Variants in SPOCK1 observed in about 807,000 individuals in gnomAD.
The protein encoded by SPOCK1 is testican-1.
A neutral mutation model predicts 55.3 loss-of-function variants in SPOCK1; 23 were observed. The observed-to-expected ratio is 0.42, with a 90% CI of 0.30 to 0.59. The LOEUF (loss-of-function observed/expected upper bound fraction) is 0.59. Among genes scored for constraint, SPOCK1 ranks in the 20% least tolerant of loss-of-function variants. The pLI is 0.22. For synonymous variants in SPOCK1, 226 were observed against 221.0 expected (o/e 1.02, Z -0.20); for missense variants, 499 against 552.5 (o/e 0.90, Z 0.97).
At chr5:137,005,873 G>A (rs1751237623) in intron 6 of SPOCK1, among the ~76,000 whole-genome samples, 1 of 152,138 alleles carries the variant, frequency 6.6e-6, no homozygotes, top group Admixed American at 6.5e-5. Flanking sequence ...CCAGAAATAA[G>A]GGTGGAATTT....
intron 5 of SPOCK1, among the ~76,000 whole-genome samples, chr5:137,111,485 C>T (rs1753470396): frequency 6.6e-6 from 1 of 152,186 alleles, no homozygotes; most frequent in African/African-American, 2.4e-5. Context: ...CATACACTGG[C>T]TCCTTTGTGT....
At position 137,079,537 on chromosome 5, in the gene SPOCK1, C is replaced by T. The variant is rs11424762; in HGVS notation, c.475-11708G>A. Among the ~76,000 whole-genome samples the T allele has an allele frequency of 8.3e-4, 76 of 91,848 alleles. 4 individuals carry two copies. Among genetic ancestry groups the T allele is most frequent in the African/African-American group, 2.2e-3 (72 of 32,964 alleles). 60.3% of individuals were successfully genotyped at this position (91,848 alleles called of 152,430 possible). On this transcript the variant is annotated intron_variant, in intron 5 of 10. Transcript: ENST00000394945. Reference sequence around the variant, plus strand: ...TCTCCTACCATCCCATCTGATTCCCCCCCCCCCCGACTTAGTGAAATGTCG... The same window carrying T: ...TCTCCTACCATCCCATCTGATTCCCTCCCCCCCCGACTTAGTGAAATGTCG...
intron 6 of SPOCK1, among the ~76,000 whole-genome samples, chr5:136,999,645 A>G (rs1751111127): frequency 6.6e-6 from 1 of 152,200 alleles, no homozygotes; most frequent in Non-Finnish European, 1.5e-5. Context: ...AGAAAAGGAA[A>G]CAATCAGTGG....
rs549636533 is a variant in SPOCK1, at chr5:137,318,039, A to C, written c.187-50984T>G. ...ATTTTTCAAGCCACACAACATACAC[A>C]AGCACAAATGAATTCACCAGACACC... On this transcript the variant is annotated intron_variant, in intron 2 of 10. Transcript: ENST00000394945. Among the ~76,000 whole-genome samples, 8 of 152,302 alleles carry C rather than the reference A, an allele frequency of 5.3e-5. No homozygotes were observed. The South Asian group carries it at 1.4e-3, about 28-fold the overall frequency.
chr5:137,176,621 G>A (rs559770951), intron 3 of SPOCK1, among the ~76,000 whole-genome samples: 24 of 152,058 alleles, frequency 1.6e-4, no homozygotes, highest in African/African-American at 4.3e-4. Flanking sequence ...CTAAGAACCC[G>A]TCATACCTGT....
intron 9 of SPOCK1, among the ~76,000 whole-genome samples, chr5:136,982,036 A>G: frequency 6.6e-6 from 1 of 152,170 alleles, no homozygotes; most frequent in Non-Finnish European, 1.5e-5. Context: ...TGCCTGTAGT[A>G]TTCAGTACGA....
chr5:137,119,619 T>C (rs981841900), intron 4 of SPOCK1, among the ~76,000 whole-genome samples: 4 of 152,274 alleles, frequency 2.6e-5, no homozygotes, highest in Middle Eastern at 3.4e-3. Flanking sequence ...AAGAGTCCAG[T>C]TTTCCTAACA....
Position 137,112,568 on chromosome 5 carries a change from A to G in SPOCK1, c.348-7T>C, listed in dbSNP as rs1753496234. 1.2e-6 allele frequency: 2 copies of G among 1,612,226 alleles called. No homozygotes were observed. Among genetic ancestry groups the G allele is most frequent in the African/African-American group, 2.7e-5 (2 of 74,702 alleles). ...CACGTTCCCCTTCTTTTGCCTAAAGATGAGAAAAAAGGGGATAAATTAGTT... is the reference window on the plus strand; with the variant it reads ...CACGTTCCCCTTCTTTTGCCTAAAGGTGAGAAAAAAGGGGATAAATTAGTT... On this transcript the variant is annotated splice_polypyrimidine_tract_variant and splice_region_variant and intron_variant, in intron 4 of 10. Transcript: ENST00000394945.
chr5:137,373,456 C>A (rs190322124), intron 2 of SPOCK1, among the ~76,000 whole-genome samples: 2 of 152,324 alleles, frequency 1.3e-5, no homozygotes, highest in Non-Finnish European at 2.9e-5. Flanking sequence ...CCCACCAATT[C>A]CCCTGCAGCA....
chr5:137,145,941 G>T (rs1412731798), intron 3 of SPOCK1, among the ~76,000 whole-genome samples: 1 of 152,178 alleles, frequency 6.6e-6, no homozygotes, highest in Non-Finnish European at 1.5e-5. Flanking sequence ...GAGTAAAAAG[G>T]CTGGAGAAGA....
chr5:137,157,036 C>G lies in SPOCK1; in HGVS notation c.233-16342G>C, dbSNP rs1410739850. Among the ~76,000 whole-genome samples, 3 of 152,258 alleles carry G rather than the reference C, an allele frequency of 2.0e-5. No homozygotes were observed. The South Asian group carries it at 6.2e-4, about 32-fold the overall frequency. On this transcript the variant is annotated intron_variant, in intron 3 of 10. Coordinates refer to ENST00000394945, the MANE Select transcript of SPOCK1 (RefSeq NM_004598.4). ...ATGGCCACACTTGGGCTTGCACTCC[C>G]CCATGGCTGCCTCCATCCTGTTATT...
At chr5:137,026,519 G>C (rs903744339) in intron 6 of SPOCK1, among the ~76,000 whole-genome samples, 3 of 152,182 alleles carry the variant, frequency 2.0e-5, no homozygotes, top group Non-Finnish European at 4.4e-5. Flanking sequence ...TCTCCAGCCT[G>C]CCAGCTCACC....
At chr5:137,014,094 T>C (rs1288379006) in intron 6 of SPOCK1, among the ~76,000 whole-genome samples, 1 of 152,202 alleles carries the variant, frequency 6.6e-6, no homozygotes, top group Non-Finnish European at 1.5e-5. Flanking sequence ...GGCTTGGTGC[T>C]GTCTTCATGA....
intron 6 of SPOCK1, among the ~76,000 whole-genome samples, chr5:136,996,593 A>G (rs1269387245): frequency 1.3e-5 from 2 of 152,092 alleles, no homozygotes; most frequent in Non-Finnish European, 2.9e-5. Flanking sequence ...CATCCTACTG[A>G]GAGGTGAAGC....
chr5:137,357,789 A>G (rs142642255), intron 2 of SPOCK1, among the ~76,000 whole-genome samples: 135 of 152,336 alleles, frequency 8.9e-4, no homozygotes, highest in African/African-American at 3.2e-3. Flanking sequence ...TTGGAAGGAA[A>G]TGGAACTTCT....
At position 137,280,016 on chromosome 5, in the gene SPOCK1, C is replaced by T. The variant is rs146731470; in HGVS notation, c.187-12961G>A. Among the ~76,000 whole-genome samples the T allele has an allele frequency of 3.3e-5, 5 of 152,292 alleles. No individual in the cohort carries two copies. The East Asian group carries it at 5.8e-4, about 18-fold the overall frequency. On this transcript the variant is annotated intron_variant, in intron 2 of 10. Coordinates refer to ENST00000394945, the MANE Select transcript of SPOCK1 (RefSeq NM_004598.4). ...AGCTCATAGGGCCATGCCATGTGCCCATGAAACCAGGACCCTGGAGGTCCC... is the reference window on the plus strand; with the variant it reads ...AGCTCATAGGGCCATGCCATGTGCCTATGAAACCAGGACCCTGGAGGTCCC...
At chr5:137,145,650 A>G (rs1754176184) in intron 3 of SPOCK1, among the ~76,000 whole-genome samples, 1 of 152,246 alleles carries the variant, frequency 6.6e-6, no homozygotes, top group Non-Finnish European at 1.5e-5. Context: ...GTGAATACAA[A>G]GAGGTGAGCA....
chr5:137,143,959 C>T (rs1754146058), intron 3 of SPOCK1, among the ~76,000 whole-genome samples: 2 of 152,128 alleles, frequency 1.3e-5, no homozygotes, highest in Admixed American at 6.5e-5. Flanking sequence ...AAGCTGATTG[C>T]GGGGCTCACC....
In SPOCK1 at chr5:137,175,267, G is replaced by A. The variant is rs534647397; in HGVS notation, c.233-34573C>T. 4.6e-5 allele frequency among the ~76,000 whole-genome samples: 7 copies of A among 152,286 alleles called. No individual in the cohort carries two copies. The South Asian group carries it at 1.5e-3, about 32-fold the overall frequency. On this transcript the variant is annotated intron_variant, in intron 3 of 10. Coordinates refer to ENST00000394945, the MANE Select transcript of SPOCK1 (RefSeq NM_004598.4). ...TAGAAACTGTGGGTAGTAAAACCAT[G>A]TGATCAAAGGACCAGAGGCCACCAT...
Sources: gnomAD v4.1 joint callset for allele counts (sites outside exome capture counted in the v4.1 genomes callset) on GRCh38, gnomAD v4.1.1 for gene constraint, MANE v1.5 for transcripts, NCBI Gene and HGNC (gene_info 2026-07-23, HGNC 2026-07-21) for gene names.